NTM: variants seen among roughly 807,000 people sequenced by gnomAD.
The protein encoded by NTM is IgLON family member 2.
NTM carries 13 observed loss-of-function variants against 42.1 expected under a neutral mutation model. That is an observed-to-expected ratio of 0.31 (90% CI 0.20 to 0.49). NTM has a LOEUF of 0.49. Ranked by LOEUF, NTM falls within the 20% of genes least tolerant of loss-of-function variation. NTM has a pLI of 0.99. For missense variants in NTM, 373 were observed against 452.8 expected, an observed-to-expected ratio of 0.82 and a Z score of 1.60; for synonymous variants, 187 against 179.2, an observed-to-expected ratio of 1.04 and a Z score of -0.35.
At chr11:131,723,617 G>A (rs1162794234) in intron 1 of NTM, among the ~76,000 whole-genome samples, 2 of 151,830 alleles carry the variant, frequency 1.3e-5, no homozygotes, top group South Asian at 4.2e-4. Flanking sequence ...TAAATTCCAT[G>A]TTAAGAATAT....
intron 1 of NTM, among the ~76,000 whole-genome samples, chr11:131,443,783 G>T (rs1565506107): frequency 6.6e-6 from 1 of 152,156 alleles, no homozygotes; most frequent in Non-Finnish European, 1.5e-5. Flanking sequence ...CACTTGCCTT[G>T]GTGAATGCCA....
chr11:131,552,071 CAGAG>C (rs1231898105), intron 1 of NTM, among the ~76,000 whole-genome samples: 1 of 151,878 alleles, frequency 6.6e-6, no homozygotes. Flanking sequence ...CTAGGTAACA[CAGAG>C]AGGCAAGTTA....
chr11:132,287,671 C>T (rs2094298257), intron 4 of NTM, among the ~76,000 whole-genome samples: 1 of 152,106 alleles, frequency 6.6e-6, no homozygotes, highest in Non-Finnish European at 1.5e-5. Context: ...CAATATAAAA[C>T]ATCTGAAAAA....
intron 1 of NTM, among the ~76,000 whole-genome samples, chr11:131,383,579 T>G (rs1942955145): frequency 6.6e-6 from 1 of 152,098 alleles, no homozygotes; most frequent in African/African-American, 2.4e-5. Context: ...AAATCAAATA[T>G]GGCTAGATTG....
At chr11:131,493,904 T>C (rs1591823352) in intron 1 of NTM, among the ~76,000 whole-genome samples, 1 of 152,206 alleles carries the variant, frequency 6.6e-6, no homozygotes, top group African/African-American at 2.4e-5. Flanking sequence ...GCCTATGTTT[T>C]TCTCTGTAGC....
chr11:132,269,225 G>A (rs528222073), intron 4 of NTM, among the ~76,000 whole-genome samples: 10 of 152,174 alleles, frequency 6.6e-5, no homozygotes, highest in Non-Finnish European at 7.3e-5. Context: ...CGTCTGCTTC[G>A]TATGCATTCT....
At chr11:132,139,948 G>A (rs1008523600) in intron 2 of NTM, among the ~76,000 whole-genome samples, 5 of 152,232 alleles carry the variant, frequency 3.3e-5, no homozygotes, top group African/African-American at 9.6e-5. Context: ...AATCAAGTCA[G>A]CAATGTTACA....
chr11:131,519,120 G>T (rs2049262503), intron 1 of NTM, among the ~76,000 whole-genome samples: 1 of 152,222 alleles, frequency 6.6e-6, no homozygotes, highest in Non-Finnish European at 1.5e-5. Flanking sequence ...ACAAGAATCA[G>T]ATGCGCTCTC....
At chr11:131,828,507 CCAT>C (rs1296976541) in intron 1 of NTM, among the ~76,000 whole-genome samples, 1 of 152,022 alleles carries the variant, frequency 6.6e-6, no homozygotes, top group Non-Finnish European at 1.5e-5. Flanking sequence ...AATATCACCA[CCAT>C]CATCATCACT....
intron 1 of NTM, among the ~76,000 whole-genome samples, chr11:131,572,858 G>A (rs906330296): frequency 1.6e-4 from 24 of 152,170 alleles, no homozygotes; most frequent in Admixed American, 1.6e-3. Context: ...GAATGTTCCC[G>A]GGTGCAGGTG....
At chr11:131,404,319 TTGACATAGA>T (rs1371319829) in intron 1 of NTM, among the ~76,000 whole-genome samples, 1 of 152,202 alleles carries the variant, frequency 6.6e-6, no homozygotes, top group Non-Finnish European at 1.5e-5. Context: ...TCAGCAGCGC[TTGACATAGA>T]TGACCCTTTC....
chr11:132,226,876 G>T (rs1415110326), intron 4 of NTM, among the ~76,000 whole-genome samples: 1 of 152,218 alleles, frequency 6.6e-6, no homozygotes, highest in Non-Finnish European at 1.5e-5. Context: ...AAGATTTGTG[G>T]CCTGGGCTGC....
chr11:131,937,456 G>A (rs2059347496), intron 2 of NTM, among the ~76,000 whole-genome samples: 2 of 152,142 alleles, frequency 1.3e-5, no homozygotes, highest in Admixed American at 1.3e-4. Context: ...GTGGGTGGGG[G>A]TACATGTTGT....
chr11:131,937,422 T>C (rs959666707), intron 2 of NTM, among the ~76,000 whole-genome samples: 5 of 152,174 alleles, frequency 3.3e-5, no homozygotes, highest in Admixed American at 3.3e-4. Flanking sequence ...CTCTGGGCGA[T>C]GCATGGGCCA....
chr11:131,573,594 C>CGTCTTCTG (rs2057657040), intron 1 of NTM: 1 of 152,182 alleles, frequency 6.6e-6, no homozygotes, highest in African/African-American at 2.4e-5. Flanking sequence ...TCCAAGGCCT[C>CGTCTTCTG]GTCTTCTGAA....
chr11:131,875,823 C>G, intron 1 of NTM, among the ~76,000 whole-genome samples: 1 of 152,282 alleles, frequency 6.6e-6, no homozygotes, highest in African/African-American at 2.4e-5. Context: ...TGTCTTTGTC[C>G]TTTGTTTATT....
At chr11:131,679,629 A>G (rs923460176) in intron 1 of NTM, among the ~76,000 whole-genome samples, 2 of 151,300 alleles carry the variant, frequency 1.3e-5, no homozygotes, top group African/African-American at 4.9e-5. Context: ...AGTTTCTCCC[A>G]TTTCCCTCTG....
intron 1 of NTM, among the ~76,000 whole-genome samples, chr11:131,633,298 A>G (rs1042672570): frequency 6.6e-6 from 1 of 152,056 alleles, no homozygotes; most frequent in Non-Finnish European, 1.5e-5. Context: ...CCTTTTTCAC[A>G]TATTTTACCC....
chr11:131,518,413 T>C (rs1484386143), intron 1 of NTM, among the ~76,000 whole-genome samples: 1 of 152,170 alleles, frequency 6.6e-6, no homozygotes, highest in Non-Finnish European at 1.5e-5. Context: ...TTTTTTAAGC[T>C]GAGTACTTAG....
Sources: gnomAD v4.1 joint callset for allele counts (sites outside exome capture counted in the v4.1 genomes callset) on GRCh38, gnomAD v4.1.1 for gene constraint, MANE v1.5 for transcripts, NCBI Gene and HGNC (gene_info 2026-07-23, HGNC 2026-07-21) for gene names.